Variants in DKK2 observed in about 807,000 individuals in gnomAD.
DKK2 encodes dickkopf Wnt signaling pathway inhibitor 2, also known as dickkopf-related protein 2.
Under a neutral mutation model 28.1 loss-of-function variants are expected in DKK2, and 11 were observed. That is an observed-to-expected ratio of 0.39 (90% CI 0.25 to 0.65). DKK2 has a LOEUF of 0.65. Ranked by LOEUF, DKK2 falls within the 30% of genes least tolerant of loss-of-function variation. DKK2 has a pLI of 0.47. For missense variants in DKK2, 326 were observed against 335.5 expected, an observed-to-expected ratio of 0.97 and a Z score of 0.22; for synonymous variants, 135 against 126.5, an observed-to-expected ratio of 1.07 and a Z score of -0.45.
chr4:106,982,624 C>T (rs1263351191), intron 1 of DKK2, among the ~76,000 whole-genome samples: 1 of 151,826 alleles, frequency 6.6e-6, no homozygotes, highest in East Asian at 1.9e-4. Flanking sequence ...TTCATGTCTT[C>T]ATATACATAT....
At chr4:106,978,657 C>G (rs12501815) in intron 1 of DKK2, among the ~76,000 whole-genome samples, 30,378 of 152,058 alleles carry the variant, frequency 0.2, 3,335 homozygotes, top group East Asian at 0.42. Context: ...TTCAAACAAT[C>G]GATCTTAGCT....
At chr4:106,940,649 C>T (rs1339003591) in intron 1 of DKK2, among the ~76,000 whole-genome samples, 2 of 150,588 alleles carry the variant, frequency 1.3e-5, no homozygotes, top group Non-Finnish European at 2.9e-5. Context: ...GCTATAAAGA[C>T]ACATGCACAC....
In DKK2 at chr4:106,924,741, AT is replaced by A. The variant is rs753640771; in HGVS notation, c.374-42del. On this transcript the variant is annotated intron_variant, in intron 2 of 3. Coordinates refer to ENST00000285311, the MANE Select transcript of DKK2 (RefSeq NM_014421.3). The stretch of plus-strand genomic sequence containing the variant: ...TAATCAGTTAGACTAATTCAATTCT[AT>A]GAAATGTGATACTTATCCACATACT... 4.4e-6 allele frequency: 7 copies of A among 1,575,596 alleles called. No homozygotes were observed. In the South Asian group the frequency reaches 5.7e-5, roughly 13 times the overall value.
intron 1 of DKK2, among the ~76,000 whole-genome samples, chr4:106,986,719 G>A (rs1161192071): frequency 6.6e-6 from 1 of 152,072 alleles, no homozygotes; most frequent in African/African-American, 2.4e-5. Context: ...TTCCTAATTC[G>A]AAGCAGCTGG....
chr4:106,951,922 T>C (rs1459650740), intron 1 of DKK2, among the ~76,000 whole-genome samples: 3 of 152,294 alleles, frequency 2.0e-5, no homozygotes, highest in Admixed American at 1.3e-4. Context: ...AGTAATGTAG[T>C]CAATTTGCTT....
chr4:107,034,557 C>T (rs1460427763), intron 1 of DKK2, among the ~76,000 whole-genome samples: 1 of 152,186 alleles, frequency 6.6e-6, no homozygotes, highest in Non-Finnish European at 1.5e-5. Flanking sequence ...ACAGAGGCGC[C>T]TGCGGAAAGT....
At chr4:106,941,303 G>T (rs1000120413) in intron 1 of DKK2, among the ~76,000 whole-genome samples, 2 of 151,998 alleles carry the variant, frequency 1.3e-5, no homozygotes, top group African/African-American at 4.8e-5. Context: ...GATATAGAAG[G>T]ACTTAGATGC....
At chr4:107,003,354 C>T (rs532605003) in intron 1 of DKK2, among the ~76,000 whole-genome samples, 40 of 152,358 alleles carry the variant, frequency 2.6e-4, no homozygotes, top group African/African-American at 8.7e-4. Flanking sequence ...TTTCCTGTGG[C>T]TTTCCTCTGC....
intron 1 of DKK2, among the ~76,000 whole-genome samples, chr4:106,945,318 TAAA>T (rs1724760038): frequency 6.6e-6 from 1 of 152,130 alleles, no homozygotes; most frequent in African/African-American, 2.4e-5. Flanking sequence ...ATAAGTGTCA[TAAA>T]ATTTGCTAAA....
intron 1 of DKK2, among the ~76,000 whole-genome samples, chr4:106,989,320 A>G (rs909987419): frequency 1.3e-5 from 2 of 152,226 alleles, no homozygotes; most frequent in Non-Finnish European, 2.9e-5. Flanking sequence ...AAAGCCAAGC[A>G]AACCTGATTA....
intron 1 of DKK2, among the ~76,000 whole-genome samples, chr4:106,993,123 CAATT>C (rs1578371101): frequency 6.6e-6 from 1 of 152,218 alleles, no homozygotes; most frequent in Non-Finnish European, 1.5e-5. Flanking sequence ...AGCCAGGGCT[CAATT>C]AAACAGCATA....
At chr4:106,996,272 A>G (rs955215231) in intron 1 of DKK2, among the ~76,000 whole-genome samples, 1 of 152,222 alleles carries the variant, frequency 6.6e-6, no homozygotes, top group African/African-American at 2.4e-5. Flanking sequence ...ATTCAACTTA[A>G]GAAAGACACA....
At chr4:107,024,302 C>T (rs1008238064) in intron 1 of DKK2, among the ~76,000 whole-genome samples, 3 of 152,102 alleles carry the variant, frequency 2.0e-5, no homozygotes, top group Non-Finnish European at 4.4e-5. Flanking sequence ...TAGGGCTCTT[C>T]TTGAATAGAC....
chr4:106,961,977 C>T (rs1048461943), intron 1 of DKK2, among the ~76,000 whole-genome samples: 6 of 152,044 alleles, frequency 3.9e-5, no homozygotes, highest in African/African-American at 9.7e-5. Context: ...ATAAATCCAC[C>T]GATAATTCTC....
At chr4:106,939,274 C>A (rs1560575957) in intron 1 of DKK2, among the ~76,000 whole-genome samples, 1 of 152,138 alleles carries the variant, frequency 6.6e-6, no homozygotes, top group Admixed American at 6.5e-5. Flanking sequence ...TCTCGGGATA[C>A]AAAATCAATG....
intron 1 of DKK2, among the ~76,000 whole-genome samples, chr4:106,943,568 G>A: frequency 6.6e-6 from 1 of 152,108 alleles, no homozygotes; most frequent in East Asian, 1.9e-4. Context: ...CAGTATAGAG[G>A]GAAGAGTATT....
intron 1 of DKK2, among the ~76,000 whole-genome samples, chr4:106,958,642 T>A (rs1412775418): frequency 6.6e-6 from 1 of 151,478 alleles, no homozygotes. Context: ...TCAAGATCAG[T>A]CTGGCCAACA....
chr4:107,032,991 TAA>T (rs1036634182), intron 1 of DKK2, among the ~76,000 whole-genome samples: 5 of 152,110 alleles, frequency 3.3e-5, no homozygotes, highest in African/African-American at 1.2e-4. Flanking sequence ...ATAAAAAAGA[TAA>T]AGAGACTCAT....
chr4:107,020,801 T>C (rs562740341), intron 1 of DKK2, among the ~76,000 whole-genome samples: 1 of 152,154 alleles, frequency 6.6e-6, no homozygotes, highest in Admixed American at 6.6e-5. Context: ...ACATTTTAAC[T>C]AAGTTGCACA....
Sources: allele counts gnomAD v4.1 joint callset (sites outside exome capture counted in the v4.1 genomes callset), GRCh38; gene constraint gnomAD v4.1.1; transcripts MANE v1.5; gene names NCBI Gene and HGNC (gene_info 2026-07-23, HGNC 2026-07-21).